The following THSD7B variants were observed in gnomAD, a reference collection of about 807,000 sequenced individuals.
THSD7B encodes the protein thrombospondin type-1 domain-containing protein 7B.
A neutral mutation model predicts 213.6 loss-of-function variants in THSD7B; 138 were observed. The observed-to-expected ratio is 0.65, with a 90% CI of 0.56 to 0.74. The LOEUF is 0.74. Among genes scored for constraint, THSD7B ranks in the 30% least tolerant of loss-of-function variants. The probability of loss-of-function intolerance (pLI) is 0.00; values close to 1 mark genes in which losing one functional copy is unlikely to be tolerated. For missense variants in THSD7B, 1,931 were observed against 1,991.5 expected (o/e 0.97, Z 0.58); for synonymous variants, 742 against 687.0 (o/e 1.08, Z -1.25).
rs566384517 is a variant in THSD7B at position 137,230,968 on chromosome 2, A to G, written c.1724-76A>G. The G allele has an allele frequency of 1.2e-4, 170 of 1,392,302 alleles. No individual in the cohort carries two copies. The African/African-American group carries it at 2.2e-3, about 18-fold the overall frequency. The allele number at this position is 1,392,302 out of a possible 1,614,324, so 86.2% of individuals were successfully genotyped here. On this transcript the variant is annotated intron_variant, in intron 7 of 27. Coordinates refer to ENST00000409968, the MANE Select transcript of THSD7B (RefSeq NM_001316349.2). ...ACTATCATTTTTGGGGGGGTACTTT[A>G]AACTGAAGTAATAGATAAAGCAGTG...
chr2:137,571,145 A>G (rs1681347730), intron 16 of THSD7B, among the ~76,000 whole-genome samples: 1 of 152,134 alleles, frequency 6.6e-6, no homozygotes, highest in South Asian at 2.1e-4. Flanking sequence ...AAAGGTAGCC[A>G]CTTTTCTGAC....
intron 5 of THSD7B, among the ~76,000 whole-genome samples, chr2:137,125,182 T>G (rs1057029287): frequency 6.6e-6 from 1 of 152,148 alleles, no homozygotes; most frequent in African/African-American, 2.4e-5. Context: ...ATTCAGGAAA[T>G]TGTCTGTTTC....
chr2:137,368,189 C>T (rs1214697466), intron 12 of THSD7B, among the ~76,000 whole-genome samples: 1 of 151,680 alleles, frequency 6.6e-6, no homozygotes, highest in Non-Finnish European at 1.5e-5. Context: ...GAACTACCTT[C>T]AGAAATTAAA....
intron 25 of THSD7B, among the ~76,000 whole-genome samples, 161 bp from the exon 26 acceptor site, chr2:137,663,222 G>C (rs1683385759): frequency 6.6e-6 from 1 of 152,158 alleles, no homozygotes; most frequent in African/African-American, 2.4e-5. Flanking sequence ...TTAAAAAGAT[G>C]AACTATGTAT....
intron 2 of THSD7B, among the ~76,000 whole-genome samples, chr2:136,907,796 G>A (rs960148713): frequency 6.6e-6 from 1 of 152,166 alleles, no homozygotes; most frequent in African/African-American, 2.4e-5. Flanking sequence ...GCTGTATGTT[G>A]CTGACCTACA....
At chr2:137,262,851 T>TGA (rs1185476444) in intron 10 of THSD7B, among the ~76,000 whole-genome samples, 2 of 152,174 alleles carry the variant, frequency 1.3e-5, no homozygotes, top group Non-Finnish European at 2.9e-5. Flanking sequence ...TTTGGGTTTC[T>TGA]GAGAGTAGGG....
intron 15 of THSD7B, among the ~76,000 whole-genome samples, chr2:137,474,146 C>T (rs114691327): frequency 0.05 from 7,622 of 152,256 alleles, 251 homozygotes; most frequent in Non-Finnish European, 0.072. Flanking sequence ...TGTATTTGTA[C>T]ATATGTTTGA....
At chr2:137,129,829 G>A (rs1347027) in intron 5 of THSD7B, among the ~76,000 whole-genome samples, 47,982 of 151,980 alleles carry the variant, frequency 0.32, 9,487 homozygotes, top group Non-Finnish European at 0.44. Flanking sequence ...TTGACCATTT[G>A]CATTGTTGGG....
chr2:137,094,798 C>T (rs548633636), intron 3 of THSD7B, 75 bp from the exon 4 acceptor site: 3 of 1,498,530 alleles, frequency 2.0e-6, no homozygotes, highest in East Asian at 2.3e-5. Flanking sequence ...TTTTTTTTCT[C>T]ATGGTAGGCA....
At chr2:137,299,779 A>G (rs1377666977) in intron 12 of THSD7B, among the ~76,000 whole-genome samples, 1 of 152,154 alleles carries the variant, frequency 6.6e-6, no homozygotes, top group African/African-American at 2.4e-5. Flanking sequence ...AATAGTTGCT[A>G]TTGTACCATG....
At chr2:137,161,034 C>G (rs1680009363) in intron 6 of THSD7B, among the ~76,000 whole-genome samples, 1 of 152,148 alleles carries the variant, frequency 6.6e-6, no homozygotes, top group Non-Finnish European at 1.5e-5. Context: ...CAGATTTCCA[C>G]ATTTAACATT....
intron 2 of THSD7B, among the ~76,000 whole-genome samples, chr2:137,029,849 G>A (rs1270845609): frequency 2.0e-5 from 3 of 152,098 alleles, no homozygotes; most frequent in South Asian, 2.1e-4. Context: ...AGTGTTCCAC[G>A]GAGCATAGCC....
At chr2:137,582,387 C>T (rs1019100474) in intron 17 of THSD7B, among the ~76,000 whole-genome samples, 10 of 146,104 alleles carry the variant, frequency 6.8e-5, no homozygotes, top group Non-Finnish European at 6.2e-5. Context: ...ATGTGCACAA[C>T]GTGGAGGTTT....
chr2:136,791,882 C>G (rs1681970832), intron 1 of THSD7B, among the ~76,000 whole-genome samples: 1 of 151,958 alleles, frequency 6.6e-6, no homozygotes, highest in African/African-American at 2.4e-5. Flanking sequence ...GTTTTCATTT[C>G]TCTTGGGTAT....
intron 2 of THSD7B, among the ~76,000 whole-genome samples, chr2:137,051,832 C>T (rs1045299565): frequency 2.6e-5 from 4 of 152,256 alleles, no homozygotes; most frequent in African/African-American, 9.6e-5. Flanking sequence ...TCTTTGTCCT[C>T]TGGAGCCTCC....
At chr2:137,507,069 C>G (rs536751187) in intron 15 of THSD7B, among the ~76,000 whole-genome samples, 80 of 152,304 alleles carry the variant, frequency 5.3e-4, no homozygotes, top group African/African-American at 1.9e-3. Context: ...AGTACATAAT[C>G]GTATCCTTGA....
intron 15 of THSD7B, among the ~76,000 whole-genome samples, chr2:137,473,611 T>C (rs1688135285): frequency 6.6e-6 from 1 of 152,124 alleles, no homozygotes; most frequent in African/African-American, 2.4e-5. Flanking sequence ...TCAAAATTAG[T>C]CATGTTGAAT....
intron 5 of THSD7B, among the ~76,000 whole-genome samples, chr2:137,117,727 A>C (rs1044081576): frequency 6.6e-6 from 1 of 152,112 alleles, no homozygotes; most frequent in Admixed American, 6.6e-5. Flanking sequence ...GGAATTTACA[A>C]TCTTGGGGGG....
chr2:137,111,860 CA>C (rs1688351723), intron 4 of THSD7B, among the ~76,000 whole-genome samples: 1 of 152,190 alleles, frequency 6.6e-6, no homozygotes, highest in Non-Finnish European at 1.5e-5. Context: ...TTCGAAGTTT[CA>C]TCTCAGAGGA....
Sources: gnomAD v4.1 joint callset for allele counts (sites outside exome capture counted in the v4.1 genomes callset) on GRCh38, gnomAD v4.1.1 for gene constraint, MANE v1.5 for transcripts, NCBI Gene and HGNC (gene_info 2026-07-23, HGNC 2026-07-21) for gene names.